The following RUNDC3B variants were observed in gnomAD, a reference collection of about 807,000 sequenced individuals.
The protein encoded by RUNDC3B is RUN domain-containing protein 3B.
RUNDC3B carries 33 observed loss-of-function variants against 58.4 expected under a neutral mutation model. The observed-to-expected ratio is 0.56, with a 90% CI of 0.43 to 0.75. The LOEUF is 0.75. RUNDC3B is among the 30% of genes least tolerant of loss of function. The probability of loss-of-function intolerance (pLI) is 0.00; values close to 1 mark genes in which losing one functional copy is unlikely to be tolerated. For synonymous variants in RUNDC3B, 193 were observed against 195.2 expected, an observed-to-expected ratio of 0.99 and a Z score of 0.10; for missense variants, 501 against 535.7, an observed-to-expected ratio of 0.94 and a Z score of 0.64.
chr7:87,792,100 A>G (rs1401933725), intron 8 of RUNDC3B, among the ~76,000 whole-genome samples: 2 of 152,108 alleles, frequency 1.3e-5, no homozygotes, highest in East Asian at 3.8e-4. Flanking sequence ...ACTCCAATCC[A>G]AACTATAAGA....
chr7:87,752,659 G>T (rs1833087848), intron 6 of RUNDC3B, among the ~76,000 whole-genome samples: 1 of 152,190 alleles, frequency 6.6e-6, no homozygotes, highest in African/African-American at 2.4e-5. Flanking sequence ...TAGTTTATTT[G>T]CATAGAGGTG....
chr7:87,823,797 C>T (rs201223710), intron 10 of RUNDC3B, among the ~76,000 whole-genome samples: 1,761 of 149,198 alleles, frequency 0.012, 12 homozygotes, highest in East Asian at 0.054. Flanking sequence ...TATATACACA[C>T]ACACACACAC....
At chr7:87,700,349 A>T in intron 2 of RUNDC3B, 72 bp from the exon 3 acceptor site, 2 of 1,280,050 alleles carry the variant, frequency 1.6e-6, no homozygotes, top group Non-Finnish European at 2.1e-6. Flanking sequence ...TCAGAATTTT[A>T]TTGTTCTTGC....
intron 1 of RUNDC3B, among the ~76,000 whole-genome samples, chr7:87,631,287 A>C (rs1354705091): frequency 6.6e-6 from 1 of 152,242 alleles, no homozygotes; most frequent in African/African-American, 2.4e-5. Flanking sequence ...CAAATTAAGA[A>C]AAATGAATAA....
chr7:87,738,211 T>A (rs2130807234), intron 4 of RUNDC3B, among the ~76,000 whole-genome samples: 1 of 151,308 alleles, frequency 6.6e-6, no homozygotes, highest in East Asian at 2.0e-4. Context: ...GAAGCATAGT[T>A]CTTCCAGGGG....
At chr7:87,777,139 CTT>C (rs2130881849) in intron 7 of RUNDC3B, among the ~76,000 whole-genome samples, 1 of 152,210 alleles carries the variant, frequency 6.6e-6, no homozygotes, top group Admixed American at 6.5e-5. Flanking sequence ...TCCAAGAAGT[CTT>C]ATATCTATTA....
At chr7:87,702,180 A>G (rs1829141400) in intron 3 of RUNDC3B, among the ~76,000 whole-genome samples, 1 of 145,420 alleles carries the variant, frequency 6.9e-6, no homozygotes. Flanking sequence ...AAACAGAGAT[A>G]CTTTTCTCAC....
intron 2 of RUNDC3B, among the ~76,000 whole-genome samples, chr7:87,679,152 G>A (rs1826672435): frequency 1.4e-5 from 2 of 142,308 alleles, no homozygotes; most frequent in Admixed American, 1.4e-4. Context: ...GAGTGCAGTG[G>A]CGCGATCTTG....
intron 1 of RUNDC3B, among the ~76,000 whole-genome samples, chr7:87,635,047 G>T (rs6952194): frequency 2.7e-4 from 41 of 152,042 alleles, no homozygotes; most frequent in Non-Finnish European, 5.4e-4. Flanking sequence ...CCTTTACTAG[G>T]GGGTATTTAT....
chr7:87,677,094 A>C (rs960082452), intron 2 of RUNDC3B, among the ~76,000 whole-genome samples: 5 of 152,150 alleles, frequency 3.3e-5, no homozygotes, highest in Non-Finnish European at 1.5e-5. Context: ...TACAAGTAGA[A>C]CTGCCATATG....
chr7:87,723,630 A>C (rs1458060317), intron 4 of RUNDC3B, among the ~76,000 whole-genome samples: 1 of 152,194 alleles, frequency 6.6e-6, no homozygotes. Context: ...GTAAAATTAC[A>C]CTGAATTGAA....
chr7:87,740,188 A>G (rs1197773163), intron 5 of RUNDC3B, among the ~76,000 whole-genome samples: 1 of 152,100 alleles, frequency 6.6e-6, no homozygotes, highest in Non-Finnish European at 1.5e-5. Context: ...ATCTCTTAGT[A>G]TTTTTCAGCT....
intron 3 of RUNDC3B, among the ~76,000 whole-genome samples, chr7:87,706,014 C>A (rs1197082604): frequency 6.6e-6 from 1 of 152,132 alleles, no homozygotes; most frequent in African/African-American, 2.4e-5. Flanking sequence ...ATTGTCCCCC[C>A]ATTTTCTTTG....
chr7:87,703,907 T>TGG (rs1829335366), intron 3 of RUNDC3B, among the ~76,000 whole-genome samples: 1 of 108,172 alleles, frequency 9.2e-6, no homozygotes, highest in African/African-American at 3.7e-5. Context: ...TTTTTTTTTT[T>TGG]TTTTTGGTTT....
intron 1 of RUNDC3B, among the ~76,000 whole-genome samples, chr7:87,639,768 T>C (rs1247652147): frequency 6.6e-6 from 1 of 152,078 alleles, no homozygotes; most frequent in Non-Finnish European, 1.5e-5. Flanking sequence ...TTACTTTTGC[T>C]CTTTCTGGGC....
intron 8 of RUNDC3B, among the ~76,000 whole-genome samples, chr7:87,804,545 T>C (rs934487268): frequency 2.6e-5 from 4 of 152,186 alleles, no homozygotes; most frequent in Non-Finnish European, 5.9e-5. Flanking sequence ...TAGAGGTAGA[T>C]ACCACGGGGA....
At chr7:87,632,178 T>A (rs1821290730) in intron 1 of RUNDC3B, among the ~76,000 whole-genome samples, 1 of 152,182 alleles carries the variant, frequency 6.6e-6, no homozygotes, top group Admixed American at 6.5e-5. Flanking sequence ...ACAGTAATGT[T>A]TTTCCTTACC....
intron 4 of RUNDC3B, among the ~76,000 whole-genome samples, chr7:87,727,999 A>G (rs545713572): frequency 6.6e-6 from 1 of 152,300 alleles, no homozygotes; most frequent in East Asian, 1.9e-4. Flanking sequence ...AGAGAATATT[A>G]TTAAAGTTAA....
intron 10 of RUNDC3B, among the ~76,000 whole-genome samples, chr7:87,821,022 G>T (rs1307635614): frequency 6.7e-6 from 1 of 149,194 alleles, no homozygotes; most frequent in African/African-American, 2.5e-5. Context: ...TCAACATAGT[G>T]TTGGAAGTTC....
Sources: allele counts gnomAD v4.1 joint callset (sites outside exome capture counted in the v4.1 genomes callset), GRCh38; gene constraint gnomAD v4.1.1; transcripts MANE v1.5; gene names NCBI Gene and HGNC (gene_info 2026-07-23, HGNC 2026-07-21).